Variants in COPA observed in about 807,000 individuals in gnomAD.
COPA encodes the protein coatomer subunit alpha.
Under a neutral mutation model 158.7 loss-of-function variants are expected in COPA, and 10 were observed. The ratio of observed to expected loss-of-function variants is 0.06; its 90% CI spans 0.04 to 0.11. The LOEUF (loss-of-function observed/expected upper bound fraction) is 0.11, where lower values mean the gene tolerates loss of function less well. Among genes scored for constraint, COPA ranks in the 10% least tolerant of loss-of-function variants. The pLI, the probability that COPA is intolerant of heterozygous loss-of-function variation, is 1.00. For synonymous variants in COPA, 462 were observed against 542.8 expected (o/e 0.85, Z 2.07); for missense variants, 1,065 against 1,536.7 (o/e 0.69, Z 5.13).
At chr1:160,306,630 T>C in intron 14 of COPA, 137 bp from the exon 15 acceptor site, 1 of 1,063,614 alleles carries the variant, frequency 9.4e-7, no homozygotes, top group South Asian at 1.4e-5. Flanking sequence ...CAATTACCAC[T>C]GCAGACAGAC....
chr1:160,342,252 C>A (rs1571190809), intron 1 of COPA, among the ~76,000 whole-genome samples: 3 of 152,302 alleles, frequency 2.0e-5, no homozygotes, highest in Middle Eastern at 3.4e-3. Context: ...CCAAGGCAAG[C>A]CCATCTGACT....
chr1:160,339,792 T>A, intron 3 of COPA, 117 bp downstream of exon 3: 1 of 834,442 alleles, frequency 1.2e-6, no homozygotes. Flanking sequence ...CGGATAATGT[T>A]GTCAAAGGCC....
chr1:160,324,888 G>T (rs1377115558), intron 7 of COPA, among the ~76,000 whole-genome samples: 1 of 152,086 alleles, frequency 6.6e-6, no homozygotes, highest in African/African-American at 2.4e-5. Context: ...CAGTTATATG[G>T]TATATTGTGA....
At chr1:160,298,721 TA>T (rs986442315) in intron 19 of COPA, 123 bp downstream of exon 19, 36 of 1,281,208 alleles carry the variant, frequency 2.8e-5, no homozygotes, top group Non-Finnish European at 3.3e-5. Flanking sequence ...ATGTAACAAC[TA>T]AAAAAAATCC....
intron 17 of COPA, among the ~76,000 whole-genome samples, chr1:160,304,960 A>G (rs1245682005): frequency 4.6e-5 from 7 of 152,274 alleles, no homozygotes; most frequent in Admixed American, 4.6e-4. Context: ...TGGGCAAAAT[A>G]TGAAATAATA....
chr1:160,330,204 CAG>C (rs1401700045), intron 6 of COPA, among the ~76,000 whole-genome samples: 3 of 151,802 alleles, frequency 2.0e-5, no homozygotes, highest in Admixed American at 6.6e-5. Context: ...TATCCTGAGA[CAG>C]AGAGAGTGCT....
At chr1:160,332,356 TC>T in intron 6 of COPA, 91 bp downstream of exon 6, 1 of 725,398 alleles carries the variant, frequency 1.4e-6, no homozygotes. Context: ...TTCTAAATTT[TC>T]CAGTTCTAAG....
intron 7 of COPA, among the ~76,000 whole-genome samples, chr1:160,324,901 GAA>G (rs924730097): frequency 2.0e-5 from 3 of 152,134 alleles, no homozygotes; most frequent in African/African-American, 7.2e-5. Flanking sequence ...TATTGTGACA[GAA>G]TCCTGGATAA....
intron 14 of COPA, among the ~76,000 whole-genome samples, chr1:160,306,769 G>C (rs985382574): frequency 6.6e-6 from 1 of 152,124 alleles, no homozygotes; most frequent in Admixed American, 6.5e-5. Context: ...ACTGTTTCTG[G>C]GGCTTAAATT....
intron 17 of COPA, 79 bp downstream of exon 17, chr1:160,305,354 C>A: frequency 7.0e-7 from 1 of 1,438,782 alleles, no homozygotes; most frequent in Non-Finnish European, 9.6e-7. Context: ...TCATGGAGGA[C>A]TTCAGTTACA....
At chr1:160,337,259 T>C (rs940055736) in intron 3 of COPA, among the ~76,000 whole-genome samples, 9 of 152,224 alleles carry the variant, frequency 5.9e-5, no homozygotes, top group Admixed American at 4.6e-4. Flanking sequence ...ACTCTGACCA[T>C]TTGCTGGGCT....
At chr1:160,317,577 G>A (rs1317957626) in intron 8 of COPA, 4 of 1,594,934 alleles carry the variant, frequency 2.5e-6, no homozygotes, top group Middle Eastern at 2.3e-4. Context: ...GCGTTCCAAT[G>A]AATTCATTCA....
chr1:160,314,521 C>T (rs1370636143), intron 8 of COPA, among the ~76,000 whole-genome samples: 14 of 152,154 alleles, frequency 9.2e-5, no homozygotes, highest in Admixed American at 9.2e-4. Flanking sequence ...GTCCCAGCTA[C>T]TCAGGAGGCT....
rs771878020 is a variant in COPA, at chr1:160,305,548, G to C, written c.1552C>G (p.Leu518Val). 2 of 1,614,214 alleles carry C rather than the reference G, an allele frequency of 1.2e-6. No individual in the cohort carries two copies. The highest frequency in any genetic ancestry group is 4.5e-5 in the East Asian group (2 of 44,890). Reference protein sequence around the residue: ...KHAIVICNRKLDALCNIHENI... With the variant: ...KHAIVICNRKVDALCNIHENI... ...TCATGAATGTTACATAAAGCATCCA[G>C]TTTGCGGTTACAGATCACAATGGCT... Residue 518 changes from leucine (L) to valine (V), a missense_variant, in exon 17 of 33, where the codon CTG becomes GTG. Around this residue, in one of 2 missense-constraint regions of COPA, gnomAD observed 980 missense variants for 1,357.8 expected, o/e 0.72. Coordinates refer to ENST00000241704, the MANE Select transcript of COPA (RefSeq NM_004371.4).
At chr1:160,311,413 G>A (rs1047749587) in intron 11 of COPA, among the ~76,000 whole-genome samples, 1 of 151,152 alleles carries the variant, frequency 6.6e-6, no homozygotes, top group Non-Finnish European at 1.5e-5. Context: ...GCTCCAGCCT[G>A]GGTGACAGAG....
intron 9 of COPA, among the ~76,000 whole-genome samples, chr1:160,313,419 ATTT>A (rs10719015): frequency 7.1e-6 from 1 of 140,538 alleles, no homozygotes. Context: ...TTCATTCTGC[ATTT>A]TTTTTTTTTT....
intron 22 of COPA, 91 bp from the exon 23 acceptor site, chr1:160,295,950 C>G: frequency 6.3e-7 from 1 of 1,579,094 alleles, no homozygotes; most frequent in East Asian, 2.2e-5. Flanking sequence ...TCATTTGTTT[C>G]TCTGCCTCTC....
At chr1:160,296,889 C>T (rs1178529336) in intron 21 of COPA, among the ~76,000 whole-genome samples, 4 of 152,168 alleles carry the variant, frequency 2.6e-5, no homozygotes, top group African/African-American at 9.7e-5. Context: ...CCACTAATAG[C>T]GCCTTGGTCC....
chr1:160,310,415 T>G, intron 11 of COPA, 157 bp from the exon 12 acceptor site: 1 of 439,132 alleles, frequency 2.3e-6, no homozygotes, highest in Non-Finnish European at 4.1e-6. Flanking sequence ...TGTATTCTCT[T>G]CCTTTAAGGC....
Sources: gnomAD v4.1 joint callset for allele counts (sites outside exome capture counted in the v4.1 genomes callset) on GRCh38, gnomAD v4.1.1 for gene constraint, gnomAD v4.1.1 regional missense constraint, MANE v1.5 for transcripts, NCBI Gene and HGNC (gene_info 2026-07-23, HGNC 2026-07-21) for gene names.